Variants in LINGO2 observed in about 807,000 individuals in gnomAD.
LINGO2 encodes the protein leucine rich repeat and Ig domain containing 2.
In LINGO2, 14 loss-of-function variants were observed where a neutral mutation model predicts 30.6. That is an observed-to-expected ratio of 0.46 (90% CI 0.30 to 0.72). The LOEUF (loss-of-function observed/expected upper bound fraction) is 0.72. Among genes scored for constraint, LINGO2 ranks in the 30% least tolerant of loss-of-function variants. LINGO2 has a pLI of 0.07. For missense variants in LINGO2, 729 were observed against 751.7 expected (o/e 0.97, Z 0.35); for synonymous variants, 317 against 288.5 (o/e 1.10, Z -1.00).
intron 4 of LINGO2, among the ~76,000 whole-genome samples, chr9:28,159,682 A>G (rs966836127): frequency 2.0e-5 from 3 of 152,204 alleles, no homozygotes; most frequent in Admixed American, 2.0e-4. Flanking sequence ...GAAAATTTAA[A>G]TTCCTTTATA....
the LINGO2 span, among the ~76,000 whole-genome samples, chr9:28,924,094 A>G: frequency 6.6e-6 from 1 of 152,222 alleles, no homozygotes; most frequent in Admixed American, 6.5e-5. Flanking sequence ...TGCACTTTGA[A>G]TACAATCTAA....
At chr9:28,077,773 T>A (rs1318854575) in intron 4 of LINGO2, among the ~76,000 whole-genome samples, 2 of 146,748 alleles carry the variant, frequency 1.4e-5, no homozygotes, top group Non-Finnish European at 2.9e-5. Context: ...TTATTTGATA[T>A]GGTTGTAAAA....
chr9:28,884,989 TA>T, the LINGO2 span, among the ~76,000 whole-genome samples: 5 of 5,296 alleles, frequency 9.4e-4, no homozygotes, highest in African/African-American at 3.1e-3. Flanking sequence ...TAATATATAA[TA>T]ATATATTATA....
intron 4 of LINGO2, among the ~76,000 whole-genome samples, chr9:28,237,978 CTATACTTA>C (rs2133961269): frequency 6.6e-6 from 1 of 152,134 alleles, no homozygotes; most frequent in South Asian, 2.1e-4. Context: ...GCAGGAGTAG[CTATACTTA>C]TATCAGACAA....
chr9:28,405,085 AGAAAACACT>A (rs1443154540), intron 2 of LINGO2, among the ~76,000 whole-genome samples: 1 of 152,220 alleles, frequency 6.6e-6, no homozygotes, highest in Non-Finnish European at 1.5e-5. Flanking sequence ...AGATATAGAA[AGAAAACACT>A]GAAAACCAAA....
intron 2 of LINGO2, among the ~76,000 whole-genome samples, chr9:28,449,003 A>C (rs1285994732): frequency 6.6e-6 from 1 of 150,778 alleles, no homozygotes; most frequent in South Asian, 2.1e-4. Flanking sequence ...GTTGGCAACG[A>C]CAATCCATTC....
intron 1 of LINGO2, among the ~76,000 whole-genome samples, chr9:28,656,021 A>C (rs993322164): frequency 6.6e-5 from 10 of 152,148 alleles, no homozygotes; most frequent in African/African-American, 2.4e-4. Context: ...CAAAGCTATG[A>C]GAAGCAGGTG....
In LINGO2 at chr9:28,104,255, G is replaced by GTT. The variant is rs1453019033; in HGVS notation, c.-86-91852_-86-91851dup. On this transcript the variant is annotated intron_variant, in intron 4 of 5. Transcript: ENST00000379992. ...AGGGATTTGCTTTTCCCCAGTACAA[G>GTT]TTTTTTGTTTGTTTTTTTTTTTTTT... is the stretch of plus-strand genomic sequence containing the variant. 7.6e-3 allele frequency among the ~76,000 whole-genome samples: 566 copies of GTT among 74,966 alleles called. 32 individuals carry two copies. The highest frequency in any genetic ancestry group is 0.012 in the East Asian group (24 of 1,948). The allele number at this position is 74,966 out of a possible 152,430, so 49.2% of individuals were successfully genotyped here. A position where few individuals can be genotyped will look rare whatever the true frequency, so the allele number is the denominator to read the frequency against.
chr9:28,123,670 A>ATT (rs11432898), intron 4 of LINGO2, among the ~76,000 whole-genome samples: 7 of 147,662 alleles, frequency 4.7e-5, no homozygotes, highest in East Asian at 2.0e-4. Context: ...AAAATATTTG[A>ATT]TTTTTTTTTT....
intron 4 of LINGO2, among the ~76,000 whole-genome samples, chr9:28,080,357 A>G (rs1250300511): frequency 1.3e-5 from 2 of 152,120 alleles, no homozygotes; most frequent in East Asian, 3.9e-4. Context: ...TATTCACTAG[A>G]ATCAACTCAC....
At chr9:28,538,978 G>A (rs1444342479) in intron 1 of LINGO2, among the ~76,000 whole-genome samples, 3 of 151,924 alleles carry the variant, frequency 2.0e-5, no homozygotes, top group African/African-American at 7.2e-5. Flanking sequence ...TATATTAATA[G>A]TCTCAAAAAT....
chr9:28,210,492 G>A (rs1376479298), intron 4 of LINGO2, among the ~76,000 whole-genome samples: 1 of 151,628 alleles, frequency 6.6e-6, no homozygotes, highest in African/African-American at 2.4e-5. Context: ...GAACTAATGA[G>A]TTGGGAGAGA....
the LINGO2 span, among the ~76,000 whole-genome samples, chr9:29,138,377 G>C: frequency 6.6e-6 from 1 of 151,928 alleles, no homozygotes; most frequent in Non-Finnish European, 1.5e-5. Context: ...CTCTGACATT[G>C]CCCTTTACTC....
chr9:28,215,098 A>G (rs2133873229), intron 4 of LINGO2, among the ~76,000 whole-genome samples: 1 of 151,826 alleles, frequency 6.6e-6, no homozygotes, highest in Admixed American at 6.6e-5. Context: ...ATATCCTGAG[A>G]ATGGCTGATA....
At chr9:28,676,134 C>T in the LINGO2 span, among the ~76,000 whole-genome samples, 1 of 150,604 alleles carries the variant, frequency 6.6e-6, no homozygotes, top group Admixed American at 6.6e-5. Flanking sequence ...TGAAACATGG[C>T]ATTAATTCCA....
At chr9:28,473,182 G>C (rs1825593784) in intron 2 of LINGO2, among the ~76,000 whole-genome samples, 2 of 139,074 alleles carry the variant, frequency 1.4e-5, no homozygotes, top group South Asian at 5.0e-4. Context: ...TTGACCATTA[G>C]CCCTTGGTTC....
chr9:28,601,674 A>C (rs1037247852), intron 1 of LINGO2, among the ~76,000 whole-genome samples: 2 of 152,094 alleles, frequency 1.3e-5, no homozygotes, highest in African/African-American at 4.8e-5. Context: ...TGTAGCACTC[A>C]TTCATTTGGA....
chr9:28,748,165 T>C, the LINGO2 span, among the ~76,000 whole-genome samples: 1 of 152,018 alleles, frequency 6.6e-6, no homozygotes, highest in African/African-American at 2.4e-5. Context: ...ATTTTGATAA[T>C]ATCTCCAATG....
At chr9:28,856,275 G>A in the LINGO2 span, among the ~76,000 whole-genome samples, 6 of 151,808 alleles carry the variant, frequency 4.0e-5, no homozygotes, top group Admixed American at 6.6e-5. Context: ...TTCATAATAC[G>A]TATCGAGCAT....
Sources: gnomAD v4.1 joint callset for allele counts (sites outside exome capture counted in the v4.1 genomes callset) on GRCh38, gnomAD v4.1.1 for gene constraint, MANE v1.5 for transcripts, NCBI Gene and HGNC (gene_info 2026-07-23, HGNC 2026-07-21) for gene names.